KLRG1: variants seen among roughly 807,000 people sequenced by gnomAD.
KLRG1 encodes the protein killer cell lectin-like receptor subfamily G member 1.
In KLRG1, 16 loss-of-function variants were observed where a neutral mutation model predicts 21.8. The ratio of observed to expected loss-of-function variants is 0.73; its 90% CI spans 0.50 to 1.11. The LOEUF (loss-of-function observed/expected upper bound fraction) is 1.11. KLRG1 is among the 50% of genes most tolerant of loss of function. The probability of loss-of-function intolerance (pLI) is 0.00; values close to 1 mark genes in which losing one functional copy is unlikely to be tolerated. For synonymous variants in KLRG1, 69 were observed against 75.9 expected (o/e 0.91, Z 0.47); for missense variants, 173 against 218.3 (o/e 0.79, Z 1.31).
At chr12:8,973,585 A>G (rs1161863219) in intron 1 of KLRG1, among the ~76,000 whole-genome samples, 7 of 152,222 alleles carry the variant, frequency 4.6e-5, no homozygotes, top group Non-Finnish European at 1.0e-4. Context: ...AATATGACAA[A>G]TAAAATTACC....
the KLRG1 span, among the ~76,000 whole-genome samples, chr12:9,147,292 C>CT: frequency 1.3e-5 from 2 of 152,154 alleles, no homozygotes; most frequent in Non-Finnish European, 2.9e-5. Context: ...TGTCAGAACT[C>CT]TATCACTGGC....
At chr12:9,025,744 T>C in the KLRG1 span, among the ~76,000 whole-genome samples, 3 of 152,156 alleles carry the variant, frequency 2.0e-5, no homozygotes, top group South Asian at 6.2e-4. Context: ...GAAGTAACCT[T>C]GGGTAGAAAG....
the KLRG1 span, among the ~76,000 whole-genome samples, chr12:9,207,560 G>A: frequency 1.3e-5 from 2 of 152,186 alleles, no homozygotes; most frequent in East Asian, 1.9e-4. Context: ...GGACTGTTGG[G>A]TCCTGAACAC....
the KLRG1 span, among the ~76,000 whole-genome samples, chr12:9,051,701 T>A: frequency 2.0e-5 from 3 of 152,196 alleles, no homozygotes; most frequent in Non-Finnish European, 4.4e-5. Context: ...ACATGAAAAC[T>A]TCTGTTAACA....
the KLRG1 span, among the ~76,000 whole-genome samples, chr12:9,069,474 C>G: frequency 1.3e-5 from 2 of 152,038 alleles, no homozygotes; most frequent in African/African-American, 2.4e-5. Context: ...ATCCAAAAAA[C>G]TTGTCAACAT....
At chr12:9,042,118 GT>G in the KLRG1 span, among the ~76,000 whole-genome samples, 1 of 152,182 alleles carries the variant, frequency 6.6e-6, no homozygotes, top group African/African-American at 2.4e-5. Flanking sequence ...GCTTCAGCTT[GT>G]GATAAGGTGG....
chr12:9,014,234 G>A (rs1947669225), downstream of KLRG1, among the ~76,000 whole-genome samples: 1 of 152,132 alleles, frequency 6.6e-6, no homozygotes, highest in Admixed American at 6.6e-5. Flanking sequence ...CAAACCTAGA[G>A]AAGAATATCA....
chr12:8,992,343 C>A (rs752164184), intron 2 of KLRG1, 33 bp downstream of exon 2: 1 of 1,422,920 alleles, frequency 7.0e-7, no homozygotes, highest in Non-Finnish European at 9.7e-7. Context: ...ATTAATCTTT[C>A]ATTTTATATT....
At chr12:9,211,871 T>C in the KLRG1 span, among the ~76,000 whole-genome samples, 1 of 152,216 alleles carries the variant, frequency 6.6e-6, no homozygotes, top group Non-Finnish European at 1.5e-5. Flanking sequence ...GGTCTGTGGT[T>C]GGCAGGCCTG....
the KLRG1 span, chr12:9,077,892 T>C: frequency 9.3e-6 from 15 of 1,613,634 alleles, no homozygotes; most frequent in Non-Finnish European, 1.2e-5. Context: ...ATGTTTATGT[T>C]GTCAAAATGG....
intron 1 of KLRG1, among the ~76,000 whole-genome samples, chr12:8,972,939 G>T (rs937509768): frequency 6.6e-6 from 1 of 151,960 alleles, no homozygotes; most frequent in Non-Finnish European, 1.5e-5. Flanking sequence ...TCAGGAGTTC[G>T]AGACCAGCCT....
At chr12:9,036,614 A>T in the KLRG1 span, 1 of 206,830 alleles carries the variant, frequency 4.8e-6, no homozygotes, top group Non-Finnish European at 9.9e-6. Context: ...AGACACTGTT[A>T]ATACTCTGGG....
intron 1 of KLRG1, among the ~76,000 whole-genome samples, chr12:8,955,477 A>T (rs1286812861): frequency 3.0e-5 from 4 of 133,982 alleles, no homozygotes; most frequent in African/African-American, 1.1e-4. Flanking sequence ...TGCAGCTTCG[A>T]CCTCCCAGGC....
the KLRG1 span, among the ~76,000 whole-genome samples, chr12:9,146,171 T>C: frequency 1.3e-5 from 2 of 152,104 alleles, no homozygotes; most frequent in Admixed American, 6.6e-5. Flanking sequence ...AATGGTCAAT[T>C]TGATGGTGCT....
At chr12:9,034,719 T>G in the KLRG1 span, among the ~76,000 whole-genome samples, 5 of 152,240 alleles carry the variant, frequency 3.3e-5, no homozygotes, top group South Asian at 1.0e-3. Flanking sequence ...AGTGTTGGGA[T>G]TACAGGCGTG....
At chr12:9,121,194 T>A in the KLRG1 span, among the ~76,000 whole-genome samples, 1 of 152,142 alleles carries the variant, frequency 6.6e-6, no homozygotes, top group Non-Finnish European at 1.5e-5. This position sits in a 1 kb window ranked among gnomAD's most constrained non-coding sequence, Gnocchi z 4.4. Context: ...ACTTTCTGCT[T>A]TTTAATGAGA....
At chr12:9,047,989 G>A in the KLRG1 span, among the ~76,000 whole-genome samples, 3 of 152,258 alleles carry the variant, frequency 2.0e-5, no homozygotes, top group South Asian at 6.2e-4. Flanking sequence ...TAAGCATATA[G>A]TTGAATTGAA....
the KLRG1 span, chr12:9,160,381 G>C: frequency 3.1e-6 from 5 of 1,614,154 alleles, no homozygotes; most frequent in East Asian, 2.2e-5. Flanking sequence ...CATTCAGATA[G>C]TTCAAGACAT....
chr12:9,111,815 G>T, the KLRG1 span, among the ~76,000 whole-genome samples: 1 of 152,108 alleles, frequency 6.6e-6, no homozygotes, highest in Non-Finnish European at 1.5e-5. Flanking sequence ...GATGTGTATA[G>T]AAAAAATCTA....
Sources: allele counts gnomAD v4.1 joint callset (sites outside exome capture counted in the v4.1 genomes callset), GRCh38; gene constraint gnomAD v4.1.1; non-coding constraint Gnocchi (gnomAD v3.1); transcripts MANE v1.5; gene names NCBI Gene and HGNC (gene_info 2026-07-23, HGNC 2026-07-21).